The following SOX6 variants were observed in gnomAD, a reference collection of about 807,000 sequenced individuals.
SOX6 encodes the protein transcription factor SOX-6.
Under a neutral mutation model 97.8 loss-of-function variants are expected in SOX6, and 11 were observed. That is an observed-to-expected ratio of 0.11 (90% CI 0.07 to 0.19). The LOEUF (loss-of-function observed/expected upper bound fraction) is 0.19. Among genes scored for constraint, SOX6 ranks in the 10% least tolerant of loss-of-function variants. SOX6 has a pLI of 1.00. For synonymous variants in SOX6, 360 were observed against 371.4 expected (o/e 0.97, Z 0.35); for missense variants, 810 against 1,039.5 (o/e 0.78, Z 3.04).
At position 16,509,546 on chromosome 11, in the gene SOX6, G is replaced by A. The variant is rs1860846382; in HGVS notation, n.610-33158C>T. ...TTCAAATATACTACAAAATATTGTT[G>A]GACAAAAAAAGATGAAAGGTATTTT... On this transcript the variant is annotated intron_variant and non_coding_transcript_variant, in intron 4 of 5. Transcript: ENST00000524520. Among the ~76,000 whole-genome samples, 3 of 151,564 alleles carry A rather than the reference G, an allele frequency of 2.0e-5. 1 individual carries two copies. Among genetic ancestry groups the A allele is most frequent in the South Asian group, 4.2e-4 (2 of 4,816 alleles).
At chr11:16,142,074 C>T (rs954271735) in intron 6 of SOX6, among the ~76,000 whole-genome samples, 3 of 152,138 alleles carry the variant, frequency 2.0e-5, no homozygotes, top group Admixed American at 2.0e-4. Context: ...ATCCCTGACC[C>T]CCGAGTAGCC....
At chr11:16,722,543 T>C (rs1245139481) in intron 2 of SOX6, among the ~76,000 whole-genome samples, 1 of 151,688 alleles carries the variant, frequency 6.6e-6, no homozygotes, top group Non-Finnish European at 1.5e-5. Flanking sequence ...CCCAGCCACT[T>C]GGGAGGCTGA....
chr11:16,069,373 G>T (rs115526740), intron 9 of SOX6, among the ~76,000 whole-genome samples: 1 of 151,936 alleles, frequency 6.6e-6, no homozygotes, highest in Non-Finnish European at 1.5e-5. Flanking sequence ...CTCATTTCTC[G>T]TTGTGTTCTG....
chr11:16,562,885 T>A, intron 4 of SOX6, among the ~76,000 whole-genome samples: 1 of 152,148 alleles, frequency 6.6e-6, no homozygotes, highest in Admixed American at 6.6e-5. Context: ...CAGAGGACCA[T>A]CTGAACTTCC....
At chr11:16,484,285 G>T in intron 4 of SOX6, 2 of 1,115,684 alleles carry the variant, frequency 1.8e-6, no homozygotes, top group Non-Finnish European at 1.4e-6. Flanking sequence ...GAACCACATT[G>T]CCCGACTCAT....
chr11:16,293,559 A>ACAAAT (rs147497435), intron 3 of SOX6, among the ~76,000 whole-genome samples: 1 of 152,234 alleles, frequency 6.6e-6, no homozygotes, highest in East Asian at 1.9e-4. Context: ...ATCAGAGGCA[A>ACAAAT]CAAATCACCT....
intron 4 of SOX6, among the ~76,000 whole-genome samples, chr11:16,572,356 T>A (rs1050022902): frequency 7.9e-5 from 12 of 152,202 alleles, no homozygotes; most frequent in Non-Finnish European, 1.8e-4. Context: ...GTCATAGTAA[T>A]GTTGTAGTTA....
intron 6 of SOX6, among the ~76,000 whole-genome samples, chr11:16,128,994 G>T (rs1849673264): frequency 6.6e-6 from 1 of 151,254 alleles, no homozygotes; most frequent in Non-Finnish European, 1.5e-5. Flanking sequence ...CTGAGTAGCT[G>T]GGATTATAGG....
intron 1 of SOX6, among the ~76,000 whole-genome samples, chr11:16,372,092 T>C (rs540032204): frequency 1.5e-4 from 23 of 152,262 alleles, no homozygotes; most frequent in Admixed American, 1.3e-3. Flanking sequence ...GCAAGAATCA[T>C]ATTTTATGCT....
chr11:16,181,093 A>G (rs1453214031), intron 6 of SOX6, among the ~76,000 whole-genome samples: 3 of 151,458 alleles, frequency 2.0e-5, no homozygotes, highest in Non-Finnish European at 3.0e-5. Flanking sequence ...ATTGGGGGGA[A>G]AAAAACAGTA....
At chr11:15,976,693 T>C (rs1031377331) in intron 15 of SOX6, among the ~76,000 whole-genome samples, 1 of 152,136 alleles carries the variant, frequency 6.6e-6, no homozygotes, top group African/African-American at 2.4e-5. Flanking sequence ...GAGAAGGGCA[T>C]CTGAGAAGGG....
chr11:16,695,782 A>G (rs1303244285), intron 3 of SOX6, among the ~76,000 whole-genome samples: 5 of 151,936 alleles, frequency 3.3e-5, no homozygotes, highest in Non-Finnish European at 4.4e-5. Flanking sequence ...GGGGTCAGGA[A>G]TTTGAGACCA....
In SOX6 at chr11:16,036,643, G is replaced by A. The variant is rs559960315; in HGVS notation, c.1623+9871C>T. 4.6e-5 allele frequency among the ~76,000 whole-genome samples: 7 copies of A among 152,244 alleles called. No homozygotes were observed. In the South Asian group the frequency reaches 1.5e-3, roughly 32 times the overall value. On this transcript the variant is annotated intron_variant, in intron 12 of 15. Coordinates refer to ENST00000683767, the MANE Select transcript of SOX6 (RefSeq NM_001367873.1). Reference sequence around the variant, plus strand: ...CGAATTCCCAAGGGCAAAGATCTCTGAGGAAAATCTTCAGGATATACCAAA... The same window carrying A: ...CGAATTCCCAAGGGCAAAGATCTCTAAGGAAAATCTTCAGGATATACCAAA...
intron 3 of SOX6, among the ~76,000 whole-genome samples, chr11:16,681,033 A>G (rs545849015): frequency 1.3e-5 from 2 of 152,298 alleles, no homozygotes; most frequent in Admixed American, 1.3e-4. Context: ...CCCCACTGTC[A>G]ATATTAGACA....
At chr11:16,379,772 TGCAAAG>T (rs1480265339) in intron 1 of SOX6, among the ~76,000 whole-genome samples, 77 of 152,214 alleles carry the variant, frequency 5.1e-4, no homozygotes, top group African/African-American at 1.8e-3. Flanking sequence ...TACAGATGTG[TGCAAAG>T]ATTTAGCTAC....
At chr11:16,350,901 A>T (rs1856929671) in intron 1 of SOX6, among the ~76,000 whole-genome samples, 2 of 152,166 alleles carry the variant, frequency 1.3e-5, no homozygotes, top group African/African-American at 2.4e-5. Flanking sequence ...AGGAAAAGGC[A>T]GAGAGGGAGA....
At chr11:16,712,310 T>C (rs1848187832) in intron 3 of SOX6, among the ~76,000 whole-genome samples, 1 of 152,224 alleles carries the variant, frequency 6.6e-6, no homozygotes, top group Non-Finnish European at 1.5e-5. Flanking sequence ...TTTAGTTCTT[T>C]AAGGAATCTC....
chr11:15,997,773 C>T (rs993281471), intron 13 of SOX6, among the ~76,000 whole-genome samples: 1 of 152,074 alleles, frequency 6.6e-6, no homozygotes. Flanking sequence ...AAGAACAAGG[C>T]GAAGATGTCC....
At chr11:16,527,545 A>T (rs1470569923) in intron 4 of SOX6, among the ~76,000 whole-genome samples, 1 of 152,122 alleles carries the variant, frequency 6.6e-6, no homozygotes, top group East Asian at 1.9e-4. Flanking sequence ...ACCCTTTGCC[A>T]TGTGACTTCT....
Sources: gnomAD v4.1 joint callset for allele counts (sites outside exome capture counted in the v4.1 genomes callset) on GRCh38, gnomAD v4.1.1 for gene constraint, MANE v1.5 for transcripts, NCBI Gene and HGNC (gene_info 2026-07-23, HGNC 2026-07-21) for gene names.